MCM5: variants seen among roughly 807,000 people sequenced by gnomAD.
The protein encoded by MCM5 is minichromosome maintenance complex component 5.
MCM5 carries 46 observed loss-of-function variants against 79.9 expected under a neutral mutation model. The ratio of observed to expected loss-of-function variants is 0.58; its 90% CI spans 0.45 to 0.74. The LOEUF (loss-of-function observed/expected upper bound fraction) is 0.74. Ranked by LOEUF, MCM5 falls within the 30% of genes least tolerant of loss-of-function variation. The pLI is 0.00. For missense variants in MCM5, 883 were observed against 1,017.0 expected (o/e 0.87, Z 1.79); for synonymous variants, 404 against 390.5 (o/e 1.03, Z -0.41).
At chr22:35,418,686 T>TACACACACAC (rs34663823) in intron 13 of MCM5, among the ~76,000 whole-genome samples, 3 of 149,308 alleles carry the variant, frequency 2.0e-5, no homozygotes, top group Admixed American at 6.7e-5. Flanking sequence ...TATATATGTG[T>TACACACACAC]ACACACACAC....
the MCM5 span, among the ~76,000 whole-genome samples, chr22:35,430,504 T>A: frequency 1.8e-5 from 1 of 54,068 alleles, no homozygotes; most frequent in Non-Finnish European, 8.4e-5. Flanking sequence ...AGTGGGGACT[T>A]TTTTTTTTTT....
intron 16 of MCM5, chr22:35,423,576 G>T: frequency 2.6e-6 from 1 of 379,766 alleles, no homozygotes; most frequent in Non-Finnish European, 4.7e-6. Context: ...GGAGAGCAGA[G>T]GTGGTTGGAT....
At chr22:35,402,818 A>G (rs899567507) in intron 2 of MCM5, among the ~76,000 whole-genome samples, 3 of 152,206 alleles carry the variant, frequency 2.0e-5, no homozygotes, top group African/African-American at 7.2e-5. Flanking sequence ...TGTTGGGATT[A>G]CAGGCATGAG....
rs370774423 is a variant in MCM5 at position 35,400,741 on chromosome 22, C to T, written c.167+136C>T. On this transcript the variant is annotated intron_variant, in intron 2 of 16. Coordinates refer to ENST00000216122, the MANE Select transcript of MCM5 (RefSeq NM_006739.4). ...AAAGAGCCGGTCCTGGGTCACAGGG[C>T]TCATCCCGGCAGCCTCACGCCTTGG... The T allele has an allele frequency of 7.9e-6, 7 of 886,802 alleles. No homozygotes were observed. The African/African-American group carries it at 8.5e-5, about 11-fold the overall frequency. The allele number at this position is 886,802 out of a possible 1,614,324, so 54.9% of individuals were successfully genotyped here. A position where few individuals can be genotyped will look rare whatever the true frequency, so the allele number is the denominator to read the frequency against.
Position 35,403,540 on chromosome 22 carries a change from A to G in MCM5, c.421A>G (p.Lys141Glu). ...DASPSSIRSLKSDMMSHLVKI... is the reference protein window; with the variant it reads ...DASPSSIRSLESDMMSHLVKI... ...CAGCCCTTCCAGCATTCGTAGCCTG[A>G]AGGTGGGTCGGAGGGCAGTGGCTGC... The change falls in exon 4 of 17, where the codon AAG becomes GAG. Residue 141 changes from lysine (K) to glutamate (E), a missense_variant and splice_region_variant. Lys to Glu is a moderately conservative substitution (Grantham distance 56). Coordinates refer to ENST00000216122, the MANE Select transcript of MCM5 (RefSeq NM_006739.4). 6.2e-7 allele frequency: 1 copy of G among 1,613,404 alleles called. No homozygotes were observed. The highest frequency in any genetic ancestry group is 8.5e-7 in the Non-Finnish European group (1 of 1,180,020).
the MCM5 span, among the ~76,000 whole-genome samples, chr22:35,451,406 G>T: frequency 6.6e-6 from 1 of 152,258 alleles, no homozygotes; most frequent in Non-Finnish European, 1.5e-5. Flanking sequence ...AGGCGGCTCT[G>T]CCAACGCAAG....
chr22:35,404,189 C>T (rs1380100965), intron 4 of MCM5, among the ~76,000 whole-genome samples: 1 of 152,170 alleles, frequency 6.6e-6, no homozygotes, highest in African/African-American at 2.4e-5. Context: ...TCATTAGCAC[C>T]TCAACTGAAA....
chr22:35,421,435 T>C lies in MCM5; in HGVS notation c.1950T>C (p.Asp650=), dbSNP rs139564563. ...ALRLFQVSTL[D]AALSGTLSGV... Reference sequence around the variant, plus strand: ...GGCTCTTCCAAGTGTCCACGTTGGATGCTGCCTTGTCCGGTACCCTGTCAG... The same window carrying C: ...GGCTCTTCCAAGTGTCCACGTTGGACGCTGCCTTGTCCGGTACCCTGTCAG... Residue 650 remains aspartate, a synonymous_variant, in exon 15 of 17, where the codon GAT becomes GAC. Coordinates refer to ENST00000216122, the MANE Select transcript of MCM5 (RefSeq NM_006739.4). 2.8e-5 allele frequency: 46 copies of C among 1,614,080 alleles called. No homozygotes were observed. The African/African-American group carries it at 4.3e-4, about 15-fold the overall frequency.
chr22:35,427,194 G>T (rs1932783897), downstream of MCM5, among the ~76,000 whole-genome samples: 1 of 152,192 alleles, frequency 6.6e-6, no homozygotes, highest in Non-Finnish European at 1.5e-5. Flanking sequence ...ACAGAGCACA[G>T]GGACTTACAA....
At chr22:35,434,560 C>T in the MCM5 span, among the ~76,000 whole-genome samples, 1 of 152,222 alleles carries the variant, frequency 6.6e-6, no homozygotes, top group East Asian at 1.9e-4. Flanking sequence ...AGATCATTTC[C>T]TGCTTTTGTG....
At position 35,424,599 on chromosome 22, in the gene MCM5, G is replaced by A; in HGVS notation, c.*344G>A. ...AGGGTCTGGAGGCAGACTGGCCAGG[G>A]TTTCTGACTTGGATCTGCCACTCAG... On this transcript the variant is annotated 3_prime_UTR_variant, in exon 17 of 17. Transcript: ENST00000216122. The A allele has an allele frequency of 5.0e-6, 1 of 201,298 alleles. No homozygotes were observed. The highest frequency in any genetic ancestry group is 1.0e-5 in the Non-Finnish European group (1 of 100,210). The allele number at this position is 201,298 out of a possible 1,614,324, so 12.5% of individuals were successfully genotyped here.
At chr22:35,400,962 C>G (rs1366383754) in intron 2 of MCM5, among the ~76,000 whole-genome samples, 1 of 152,034 alleles carries the variant, frequency 6.6e-6, no homozygotes, top group African/African-American at 2.4e-5. Context: ...TGGGACTACC[C>G]CCGCCATCAC....
At chr22:35,423,138 T>C in intron 15 of MCM5, 76 bp from the exon 16 acceptor site, 2 of 1,456,982 alleles carry the variant, frequency 1.4e-6, no homozygotes, top group Non-Finnish European at 1.8e-6. Context: ...TGTTCTTCCT[T>C]GGGCTAGAGG....
chr22:35,431,240 T>C, the MCM5 span, among the ~76,000 whole-genome samples: 1 of 152,204 alleles, frequency 6.6e-6, no homozygotes, highest in Non-Finnish European at 1.5e-5. Context: ...GCCTGAGTTA[T>C]CGTTATCATG....
At chr22:35,446,273 A>C in the MCM5 span, among the ~76,000 whole-genome samples, 2 of 152,120 alleles carry the variant, frequency 1.3e-5, no homozygotes, top group East Asian at 3.8e-4. Context: ...TTGCGGGGAG[A>C]GGTGTCCCTG....
At position 35,421,453 on chromosome 22, in the gene MCM5, C is replaced by T. The variant is rs1040610938; in HGVS notation, c.1968C>T (p.Thr656=). The T allele has an allele frequency of 6.2e-7, 1 of 1,613,998 alleles. No individual in the cohort carries two copies. The highest frequency in any genetic ancestry group is 8.5e-7 in the Non-Finnish European group (1 of 1,180,040). The change falls in exon 15 of 17, where the codon ACC becomes ACT. Residue 656 remains threonine, a synonymous_variant. Coordinates refer to ENST00000216122, the MANE Select transcript of MCM5 (RefSeq NM_006739.4). ...CGTTGGATGCTGCCTTGTCCGGTAC[C>T]CTGTCAGGTGAGCAGATGCAGGGGC... ...VSTLDAALSG[T]LSGVEGFTSQ...
chr22:35,437,466 A>C, the MCM5 span, among the ~76,000 whole-genome samples: 282 of 152,344 alleles, frequency 1.9e-3, 1 homozygote, highest in African/African-American at 6.2e-3. Flanking sequence ...TACACTGAGG[A>C]AACAGCTGAG....
chr22:35,402,331 G>T (rs1269845640), intron 2 of MCM5, among the ~76,000 whole-genome samples: 112 of 141,870 alleles, frequency 7.9e-4, no homozygotes, highest in African/African-American at 2.4e-3. Flanking sequence ...TTTGTTTTTT[G>T]TTTTTTTTTT....
chr22:35,430,434 G>A, the MCM5 span, among the ~76,000 whole-genome samples: 10 of 152,172 alleles, frequency 6.6e-5, no homozygotes, highest in African/African-American at 1.9e-4. Flanking sequence ...GTCTCAAAAG[G>A]TGTCAAAAGC....
Sources: gnomAD v4.1 joint callset for allele counts (sites outside exome capture counted in the v4.1 genomes callset) on GRCh38, gnomAD v4.1.1 for gene constraint, MANE v1.5 for transcripts, NCBI Gene and HGNC (gene_info 2026-07-23, HGNC 2026-07-21) for gene names.